RGS12: variants seen among roughly 807,000 people sequenced by gnomAD.
RGS12 encodes regulator of G protein signaling 12, also known as regulator of G-protein signaling 12.
A neutral mutation model predicts 120.1 loss-of-function variants in RGS12; 66 were observed. That is an observed-to-expected ratio of 0.55 (90% CI 0.45 to 0.67). The LOEUF (loss-of-function observed/expected upper bound fraction) is 0.67, where lower values mean the gene tolerates loss of function less well. Ranked by LOEUF, RGS12 falls within the 30% of genes least tolerant of loss-of-function variation. The probability of loss-of-function intolerance (pLI) is 0.00; values close to 1 mark genes in which losing one functional copy is unlikely to be tolerated. For synonymous variants in RGS12, 827 were observed against 804.7 expected (o/e 1.03, Z -0.47); for missense variants, 1,859 against 1,957.7 (o/e 0.95, Z 0.95).
chr4:3,410,623 A>G (rs539754958), intron 4 of RGS12, among the ~76,000 whole-genome samples: 48 of 152,322 alleles, frequency 3.2e-4, no homozygotes, highest in African/African-American at 1.1e-3. Flanking sequence ...TTTGATCAAT[A>G]TAATCAGAGG....
chr4:3,389,883 G>T lies in RGS12; in HGVS notation c.2020+3446G>T, dbSNP rs891790579. Among the ~76,000 whole-genome samples the T allele has an allele frequency of 1.3e-5, 2 of 152,084 alleles. No individual in the cohort carries two copies. The highest frequency in any genetic ancestry group is 1.3e-4 in the Admixed American group (2 of 15,276). On this transcript the variant is annotated intron_variant, in intron 4 of 17. Coordinates refer to ENST00000336727, the MANE Select transcript of RGS12 (RefSeq NM_001394154.1). This position sits in a 1 kb window ranked among gnomAD's most constrained non-coding sequence, Gnocchi z 5.2. The stretch of plus-strand genomic sequence containing the variant: ...TCGCAGCCTCACCCTGGGGACCCCC[G>T]ACACGTACTAGTCGCAGTCCTCCAT...
upstream of RGS12, among the ~76,000 whole-genome samples, chr4:3,290,551 G>A (rs1722984210): frequency 6.6e-6 from 1 of 152,266 alleles, no homozygotes. Context: ...GGAATGTGGG[G>A]GGACGCCCCC....
At chr4:3,340,985 C>T (rs1560098761) in intron 2 of RGS12, among the ~76,000 whole-genome samples, 3 of 151,984 alleles carry the variant, frequency 2.0e-5, no homozygotes, top group Admixed American at 6.5e-5. Context: ...GCCGGCTGCC[C>T]TCTGCTGGGC....
intron 4 of RGS12, among the ~76,000 whole-genome samples, chr4:3,399,664 A>T (rs1012310761): frequency 1.3e-5 from 2 of 152,274 alleles, no homozygotes; most frequent in African/African-American, 2.4e-5. Flanking sequence ...ATAAATCAAC[A>T]TAGGCAAAAA....
At chr4:3,436,512 G>A (rs1052767431) in intron 17 of RGS12, among the ~76,000 whole-genome samples, 1 of 152,214 alleles carries the variant, frequency 6.6e-6, no homozygotes, top group African/African-American at 2.4e-5. Flanking sequence ...GGAAGGGCGG[G>A]CAGTGGGAGA....
At chr4:3,392,647 T>C (rs12510769) in intron 4 of RGS12, among the ~76,000 whole-genome samples, 11,986 of 152,278 alleles carry the variant, frequency 0.079, 699 homozygotes, top group East Asian at 0.28. Flanking sequence ...GTTCCTTCTA[T>C]TTTTTTCATT....
At position 3,366,394 on chromosome 4, in the gene RGS12, A is replaced by C. The variant is rs1716308871; in HGVS notation, c.1999-20022A>C. Among the ~76,000 whole-genome samples, 2 of 152,098 alleles carry C rather than the reference A, an allele frequency of 1.3e-5. No individual in the cohort carries two copies. The highest frequency in any genetic ancestry group is 1.3e-4 in the Admixed American group (2 of 15,282). ...TGGCGACCAGAGGCCTCCAGGGTTA[A>C]GAGCAGGGAGAGAATCAGGGCCTGT... is the stretch of plus-strand genomic sequence containing the variant. On this transcript the variant is annotated intron_variant, in intron 3 of 17. Transcript: ENST00000336727. This position sits in a 1 kb window ranked among gnomAD's most constrained non-coding sequence, Gnocchi z 4.0.
intron 2 of RGS12, among the ~76,000 whole-genome samples, chr4:3,329,240 C>T (rs896069390): frequency 6.6e-6 from 1 of 152,072 alleles, no homozygotes; most frequent in Non-Finnish European, 1.5e-5. Context: ...ATGGTGGCCC[C>T]GATGGAAGCT....
chr4:3,382,889 A>G (rs1020812012), intron 3 of RGS12, among the ~76,000 whole-genome samples: 3 of 152,114 alleles, frequency 2.0e-5, no homozygotes, highest in Non-Finnish European at 2.9e-5. Context: ...AGCTTCACAG[A>G]TGGTTACTCA....
chr4:3,429,018 T>C (rs1332887104), intron 16 of RGS12, among the ~76,000 whole-genome samples: 1 of 152,208 alleles, frequency 6.6e-6, no homozygotes, highest in African/African-American at 2.4e-5. Context: ...CTCCTCCCTA[T>C]GGCCCCACCA....
Position 3,342,701 on chromosome 4 carries a change from C to A in RGS12, c.1882-236C>A. 5 of 787,394 alleles carry A rather than the reference C, an allele frequency of 6.4e-6. No homozygotes were observed. The South Asian group carries it at 9.1e-5, about 14-fold the overall frequency. The allele number at this position is 787,394 out of a possible 1,614,324, so 48.8% of individuals were successfully genotyped here. A position where few individuals can be genotyped will look rare whatever the true frequency, so the allele number is the denominator to read the frequency against. ...AGAGGTGGAGGCTTTGTCAGAGGCA[C>A]ACAGTTGGCAGAGCAAATACTTGAC... On this transcript the variant is annotated intron_variant, in intron 2 of 17. Transcript: ENST00000336727.
At chr4:3,394,878 AAG>A (rs1560143491) in intron 4 of RGS12, among the ~76,000 whole-genome samples, 2 of 152,100 alleles carry the variant, frequency 1.3e-5, no homozygotes. Flanking sequence ...TTAAAAAAAA[AAG>A]AAGACTGACT....
chr4:3,393,930 C>T (rs973548865), intron 4 of RGS12, among the ~76,000 whole-genome samples: 2 of 152,180 alleles, frequency 1.3e-5, no homozygotes, highest in Non-Finnish European at 2.9e-5. Context: ...CAGGCCCGTC[C>T]CTGGAGCATC....
intron 3 of RGS12, among the ~76,000 whole-genome samples, chr4:3,368,435 G>GGTGCCTGTGTGT (rs58248290): frequency 0.011 from 938 of 83,868 alleles, 25 homozygotes; most frequent in African/African-American, 0.03. Flanking sequence ...TGTGTGTGTG[G>GGTGCCTGTGTGT]GTGCCTGTGT....
intron 1 of RGS12, among the ~76,000 whole-genome samples, chr4:3,295,660 C>CAAAAAA (rs35692556): frequency 1.7e-5 from 1 of 58,144 alleles, no homozygotes; most frequent in African/African-American, 6.5e-5. Context: ...AACTCTGTCT[C>CAAAAAA]AAAAAAAAAA....
At chr4:3,437,924 G>A (rs1031292917) in intron 17 of RGS12, among the ~76,000 whole-genome samples, 3 of 152,170 alleles carry the variant, frequency 2.0e-5, no homozygotes, top group Admixed American at 6.5e-5. Context: ...GGCTGCTTCC[G>A]GAAGCTTGGA....
Position 3,313,747 on chromosome 4 carries a change from C to T in RGS12, c.-101-2323C>T, listed in dbSNP as rs574605837. ...CCCATCCTTGAATCCCTGCAGTCTC[C>T]GCATCCTTCCTCATGTGGCCGTCCC... On this transcript the variant is annotated intron_variant, in intron 1 of 17. Transcript: ENST00000336727. Among the ~76,000 whole-genome samples, 10 of 152,266 alleles carry T rather than the reference C, an allele frequency of 6.6e-5. No individual in the cohort carries two copies. In the East Asian group the frequency reaches 7.7e-4, roughly 12 times the overall value.
chr4:3,331,660 C>T lies in RGS12; in HGVS notation c.1882-11277C>T, dbSNP rs1457305480. ...AATTCTAAAAGGGTCACAGCTCAGG[C>T]CCCATGATGTAAGTCTCTCTGGGAA... is the stretch of plus-strand genomic sequence containing the variant. On this transcript the variant is annotated intron_variant, in intron 2 of 17. Transcript: ENST00000336727. Among the ~76,000 whole-genome samples, 4 of 152,070 alleles carry T rather than the reference C, an allele frequency of 2.6e-5. No individual in the cohort carries two copies. The South Asian group carries it at 8.3e-4, about 31-fold the overall frequency.
At chr4:3,423,780 GAGACAGCCT>G in intron 13 of RGS12, 139 bp downstream of exon 13, 1 of 1,100,432 alleles carries the variant, frequency 9.1e-7, no homozygotes, top group Non-Finnish European at 1.3e-6. Context: ...TGGAGGAGAG[GAGACAGCCT>G]CTGCCATCCC....
Sources: allele counts gnomAD v4.1 joint callset (sites outside exome capture counted in the v4.1 genomes callset), GRCh38; gene constraint gnomAD v4.1.1; non-coding constraint Gnocchi (gnomAD v3.1); transcripts MANE v1.5; gene names NCBI Gene and HGNC (gene_info 2026-07-23, HGNC 2026-07-21).